The following ADGRL3 variants were observed in gnomAD, a reference collection of about 807,000 sequenced individuals.
ADGRL3 encodes calcium-independent alpha-latrotoxin receptor 3.
A neutral mutation model predicts 153.5 loss-of-function variants in ADGRL3; 62 were observed. That is an observed-to-expected ratio of 0.40 (90% confidence interval 0.33 to 0.50). The LOEUF (loss-of-function observed/expected upper bound fraction) is 0.50, where lower values mean the gene tolerates loss of function less well. Among genes scored for constraint, ADGRL3 ranks in the 20% least tolerant of loss-of-function variants. ADGRL3 has a pLI of 0.47. For missense variants in ADGRL3, 1,641 were observed against 1,859.4 expected, an observed-to-expected ratio of 0.88 and a Z score of 2.16; for synonymous variants, 710 against 672.5, an observed-to-expected ratio of 1.06 and a Z score of -0.86.
At chr4:61,306,848 C>T (rs1464253689) in intron 1 of ADGRL3, among the ~76,000 whole-genome samples, 1 of 152,184 alleles carries the variant, frequency 6.6e-6, no homozygotes, top group Non-Finnish European at 1.5e-5. Context: ...ACGTGTGCAA[C>T]CATTTTCTAG....
In ADGRL3 at chr4:61,300,347, C is replaced by CA. The variant is rs538392282; in HGVS notation, c.-239-82776dup. Among the ~76,000 whole-genome samples the CA allele has an allele frequency of 2.5e-3, 380 of 152,258 alleles. 2 individuals are homozygous for CA. The highest frequency in any genetic ancestry group is 9.0e-3 in the African/African-American group (372 of 41,550). On this transcript the variant is annotated intron_variant, in intron 1 of 26. Transcript: ENST00000683033. ...GGATTAATATCAAACTGGAATGGGC[C>CA]AGTCTAATGAATGCCAAGCTTAATG...
intron 15 of ADGRL3, among the ~76,000 whole-genome samples, chr4:61,941,292 T>A (rs2098892018): frequency 7.7e-6 from 1 of 130,126 alleles, no homozygotes; most frequent in African/African-American, 3.0e-5. Flanking sequence ...TTGATCTATA[T>A]CTCTGTTTTG....
At chr4:61,284,077 A>G (rs1043046026) in intron 1 of ADGRL3, among the ~76,000 whole-genome samples, 5 of 152,002 alleles carry the variant, frequency 3.3e-5, no homozygotes, top group African/African-American at 1.2e-4. Context: ...CCTTGATAAA[A>G]TAACCTGCCC....
Position 62,071,594 on chromosome 4 carries a change from C to G in ADGRL3, c.*686C>G, listed in dbSNP as rs1745675041. 1 of 324,632 alleles carries G rather than the reference C, an allele frequency of 3.1e-6. No homozygotes were observed. The highest frequency in any genetic ancestry group is 2.2e-5 in the African/African-American group (1 of 45,078). 20.1% of individuals were successfully genotyped at this position (324,632 alleles called of 1,614,324 possible). A position where few individuals can be genotyped will look rare whatever the true frequency, so the allele number is the denominator to read the frequency against. On this transcript the variant is annotated 3_prime_UTR_variant, in exon 27 of 27. Coordinates refer to ENST00000683033, the MANE Select transcript of ADGRL3 (RefSeq NM_001387552.1). ...CAGATACTAGCATTGCACATATAGT[C>G]TGCTTTCTGTTCCTCCAGAATTTGA... is the stretch of plus-strand genomic sequence containing the variant.
intron 23 of ADGRL3, among the ~76,000 whole-genome samples, chr4:62,035,478 C>A (rs941698232): frequency 6.6e-6 from 1 of 151,920 alleles, no homozygotes. Flanking sequence ...CTGTGTACCT[C>A]AGGAAAATAA....
At chr4:61,505,299 T>C (rs896936358) in intron 3 of ADGRL3, among the ~76,000 whole-genome samples, 1 of 152,194 alleles carries the variant, frequency 6.6e-6, no homozygotes, top group Non-Finnish European at 1.5e-5. Context: ...ATCAGATTGA[T>C]TTTTTTCCTG....
At chr4:61,895,627 TC>T (rs1327297683) in intron 10 of ADGRL3, 103 bp from the exon 11 acceptor site, 7 of 622,086 alleles carry the variant, frequency 1.1e-5, no homozygotes, top group African/African-American at 5.6e-5. Flanking sequence ...AAACATTATA[TC>T]AATTTAATTA....
At chr4:61,871,726 G>T (rs2149392896) in intron 9 of ADGRL3, among the ~76,000 whole-genome samples, 1 of 152,198 alleles carries the variant, frequency 6.6e-6, no homozygotes, top group African/African-American at 2.4e-5. Flanking sequence ...AAAAATCATT[G>T]AATTGTACAC....
intron 1 of ADGRL3, among the ~76,000 whole-genome samples, chr4:61,259,477 C>T (rs992249814): frequency 6.6e-6 from 1 of 151,256 alleles, no homozygotes; most frequent in East Asian, 1.9e-4. Flanking sequence ...TAAGGCATGA[C>T]AATTTAATAG....
At chr4:61,826,262 T>G (rs141537363) in intron 9 of ADGRL3, among the ~76,000 whole-genome samples, 1 of 152,174 alleles carries the variant, frequency 6.6e-6, no homozygotes, top group East Asian at 1.9e-4. Context: ...TGAAAGTGAG[T>G]TGGCCATTAT....
chr4:61,748,321 C>G (rs2096701056), intron 8 of ADGRL3, among the ~76,000 whole-genome samples: 1 of 152,150 alleles, frequency 6.6e-6, no homozygotes, highest in African/African-American at 2.4e-5. Flanking sequence ...CCCCATCAAG[C>G]TACCAATGAC....
chr4:61,798,115 G>A (rs2097437528), intron 8 of ADGRL3, among the ~76,000 whole-genome samples: 1 of 152,102 alleles, frequency 6.6e-6, no homozygotes, highest in Non-Finnish European at 1.5e-5. Flanking sequence ...GGCAAGTAGG[G>A]TAGCATGAAT....
intron 2 of ADGRL3, among the ~76,000 whole-genome samples, chr4:61,468,753 G>T (rs2097912835): frequency 6.6e-6 from 1 of 151,982 alleles, no homozygotes; most frequent in South Asian, 2.1e-4. Context: ...CTGGCATAAA[G>T]AGAGTGAATG....
At chr4:61,685,198 A>G (rs1449009827) in intron 6 of ADGRL3, among the ~76,000 whole-genome samples, 1 of 152,060 alleles carries the variant, frequency 6.6e-6, no homozygotes. Context: ...GATTACAGGC[A>G]TGAGCCAACT....
At chr4:61,642,075 T>A (rs2093703487) in intron 5 of ADGRL3, among the ~76,000 whole-genome samples, 1 of 149,588 alleles carries the variant, frequency 6.7e-6, no homozygotes, top group Non-Finnish European at 1.5e-5. Context: ...TTTGGCTGCA[T>A]AAATGTCTTC....
intron 1 of ADGRL3, among the ~76,000 whole-genome samples, chr4:61,290,583 G>T (rs2094136440): frequency 6.6e-6 from 1 of 151,772 alleles, no homozygotes; most frequent in Admixed American, 6.6e-5. Context: ...GGTTGAGGCT[G>T]CAGTAAGCTA....
chr4:61,298,827 A>G (rs2094493376), intron 1 of ADGRL3, among the ~76,000 whole-genome samples: 1 of 152,184 alleles, frequency 6.6e-6, no homozygotes, highest in Admixed American at 6.5e-5. Context: ...TGTTTTAATA[A>G]TAGAGAAGGT....
At chr4:61,241,907 AT>A (rs1191520020) in intron 1 of ADGRL3, among the ~76,000 whole-genome samples, 4 of 152,112 alleles carry the variant, frequency 2.6e-5, no homozygotes, top group African/African-American at 7.2e-5. Context: ...AGATCTGATA[AT>A]GCAATTCCTT....
At chr4:61,698,577 C>A (rs1216930486) in intron 6 of ADGRL3, among the ~76,000 whole-genome samples, 1 of 152,162 alleles carries the variant, frequency 6.6e-6, no homozygotes, top group African/African-American at 2.4e-5. Flanking sequence ...TACACTCATT[C>A]AAACTCTTGT....
Sources: gnomAD v4.1 joint callset for allele counts (sites outside exome capture counted in the v4.1 genomes callset) on GRCh38, gnomAD v4.1.1 for gene constraint, MANE v1.5 for transcripts, NCBI Gene and HGNC (gene_info 2026-07-23, HGNC 2026-07-21) for gene names.